The following DAAM1 variants were observed in gnomAD, a reference collection of about 807,000 sequenced individuals.
DAAM1 encodes disheveled-associated activator of morphogenesis 1.
In DAAM1, 52 loss-of-function variants were observed where a neutral mutation model predicts 130.0. The observed-to-expected ratio is 0.40, with a 90% CI of 0.32 to 0.50. DAAM1 has a LOEUF of 0.50. Ranked by LOEUF, DAAM1 falls within the 20% of genes least tolerant of loss-of-function variation. DAAM1 has a pLI of 0.61. For missense variants in DAAM1, 1,134 were observed against 1,303.8 expected, an observed-to-expected ratio of 0.87 and a Z score of 2.01; for synonymous variants, 452 against 444.5, an observed-to-expected ratio of 1.02 and a Z score of -0.21.
chr14:59,332,003 T>A, intron 15 of DAAM1, 83 bp downstream of exon 15: 2 of 1,179,374 alleles, frequency 1.7e-6, no homozygotes, highest in Middle Eastern at 2.0e-4. Context: ...GCCATGGCCG[T>A]GATGTGACCG....
At chr14:59,276,503 G>T (rs1358545071) in intron 2 of DAAM1, among the ~76,000 whole-genome samples, 1 of 152,138 alleles carries the variant, frequency 6.6e-6, no homozygotes, top group East Asian at 1.9e-4. Flanking sequence ...TGTGGGGTGG[G>T]AGGAGAGGGT....
At chr14:59,208,109 G>A (rs1056434339) in intron 1 of DAAM1, among the ~76,000 whole-genome samples, 1 of 152,116 alleles carries the variant, frequency 6.6e-6, no homozygotes, top group Non-Finnish European at 1.5e-5. Flanking sequence ...GTTGTCATAA[G>A]CATTTTTCAT....
At chr14:59,338,555 G>T in intron 15 of DAAM1, 2 of 842,364 alleles carry the variant, frequency 2.4e-6, no homozygotes, top group South Asian at 3.5e-5. Context: ...ACTCCACTTT[G>T]GATTTCAACT....
intron 20 of DAAM1, among the ~76,000 whole-genome samples, chr14:59,357,708 G>A (rs1201028935): frequency 6.6e-6 from 1 of 152,112 alleles, no homozygotes; most frequent in Non-Finnish European, 1.5e-5. Flanking sequence ...AACCCAGAAG[G>A]CAGAGGTTGC....
At chr14:59,311,966 C>T (rs527712681) in intron 3 of DAAM1, among the ~76,000 whole-genome samples, 29 of 152,074 alleles carry the variant, frequency 1.9e-4, no homozygotes, top group African/African-American at 4.8e-4. Context: ...CCCAAAGTGC[C>T]GGGATTACAG....
At chr14:59,223,318 G>A (rs576867232) in intron 1 of DAAM1, among the ~76,000 whole-genome samples, 24 of 152,330 alleles carry the variant, frequency 1.6e-4, no homozygotes, top group South Asian at 8.3e-4. Flanking sequence ...TTCATGATGG[G>A]CAGTTTGGGT....
intron 17 of DAAM1, 32 bp downstream of exon 17, chr14:59,347,655 T>C: frequency 6.2e-7 from 1 of 1,602,346 alleles, no homozygotes; most frequent in Non-Finnish European, 8.5e-7. Flanking sequence ...AGAGCAGAAG[T>C]GAAAAGCGAC....
rs1337401952 is a variant in DAAM1 at position 59,254,470 on chromosome 14, T to C, written c.-37-8971T>C. Among the ~76,000 whole-genome samples, 5 of 152,170 alleles carry C rather than the reference T, an allele frequency of 3.3e-5. No individual in the cohort carries two copies. The East Asian group carries it at 9.6e-4, about 29-fold the overall frequency. On this transcript the variant is annotated intron_variant, in intron 1 of 24. Coordinates refer to ENST00000360909, the MANE Select transcript of DAAM1 (RefSeq NM_001270520.2). Reference sequence around the variant, plus strand: ...TGTCTTTGTACGGTATCTGAGTGGATCCCTTAGAGACAGATTGGAACCCAG... The same window carrying C: ...TGTCTTTGTACGGTATCTGAGTGGACCCCTTAGAGACAGATTGGAACCCAG...
In DAAM1 at chr14:59,363,681, C is replaced by A; in HGVS notation, c.2725C>A (p.Gln909Lys). The A allele has an allele frequency of 6.2e-7, 1 of 1,614,152 alleles. No individual in the cohort carries two copies. The highest frequency in any genetic ancestry group is 8.5e-7 in the Non-Finnish European group (1 of 1,179,994). ...GGAATATCAGAAGTCTCAGCCCCCA[C>A]AGCCCGGAGATAAGTTTGTGTCTGT... ...ELEYQKSQPPQPGDKFVSVVS... is the reference protein window; with the variant it reads ...ELEYQKSQPPKPGDKFVSVVS... Residue 909 changes from glutamine (Q) to lysine (K), a missense_variant, in exon 23 of 25, where the codon CAG becomes AAG. Coordinates refer to ENST00000360909, the MANE Select transcript of DAAM1 (RefSeq NM_001270520.2).
intron 1 of DAAM1, among the ~76,000 whole-genome samples, chr14:59,223,379 C>G (rs1403443095): frequency 1.3e-5 from 2 of 152,084 alleles, no homozygotes; most frequent in Non-Finnish European, 2.9e-5. Context: ...CTACCAAGGC[C>G]CAGCCCAAGA....
intron 20 of DAAM1, among the ~76,000 whole-genome samples, chr14:59,358,978 A>C (rs1886598971): frequency 6.6e-6 from 1 of 152,082 alleles, no homozygotes; most frequent in Non-Finnish European, 1.5e-5. Context: ...CAAGCCTACT[A>C]GTTATAAACC....
chr14:59,281,524 T>TGGAGGAGGA (rs59666401), intron 2 of DAAM1, among the ~76,000 whole-genome samples: 2 of 150,118 alleles, frequency 1.3e-5, no homozygotes, highest in South Asian at 2.1e-4. Context: ...GTGCTGCTGT[T>TGGAGGAGGA]GGAGGAGGAG....
At chr14:59,216,819 G>C (rs372254371) in intron 1 of DAAM1, among the ~76,000 whole-genome samples, 1 of 151,976 alleles carries the variant, frequency 6.6e-6, no homozygotes, top group Non-Finnish European at 1.5e-5. Context: ...CTAACCGTTT[G>C]TGTGATTTCT....
rs981184834 is a variant in DAAM1, at chr14:59,270,890, G to T, written c.183+7230G>T. Among the ~76,000 whole-genome samples, 7 of 152,170 alleles carry T rather than the reference G, an allele frequency of 4.6e-5. No homozygotes were observed. In the South Asian group the frequency reaches 1.5e-3, roughly 32 times the overall value. On this transcript the variant is annotated intron_variant, in intron 2 of 24. Coordinates refer to ENST00000360909, the MANE Select transcript of DAAM1 (RefSeq NM_001270520.2). Reference sequence around the variant, plus strand: ...CTGCTTTTCCTGTGTGAGATTTTACGTAAAAAATCCAGGTTTAAAACAAGT... The same window carrying T: ...CTGCTTTTCCTGTGTGAGATTTTACTTAAAAAATCCAGGTTTAAAACAAGT...
At chr14:59,352,112 A>G (rs554635940) in intron 17 of DAAM1, among the ~76,000 whole-genome samples, 26 of 152,332 alleles carry the variant, frequency 1.7e-4, no homozygotes, top group African/African-American at 5.5e-4. Flanking sequence ...GCTGGGAGTC[A>G]AGAGACCTAG....
chr14:59,319,378 G>C (rs1011038494), intron 4 of DAAM1, among the ~76,000 whole-genome samples: 1 of 152,108 alleles, frequency 6.6e-6, no homozygotes, highest in African/African-American at 2.4e-5. Context: ...GTTAACATTA[G>C]TTACTTAATG....
At chr14:59,278,491 T>C (rs962185428) in intron 2 of DAAM1, among the ~76,000 whole-genome samples, 2 of 152,354 alleles carry the variant, frequency 1.3e-5, no homozygotes, top group Non-Finnish European at 2.9e-5. Context: ...TCTTTTAGAA[T>C]TCTTAATTTA....
intron 20 of DAAM1, among the ~76,000 whole-genome samples, chr14:59,356,394 T>C (rs911406236): frequency 6.6e-6 from 1 of 152,240 alleles, no homozygotes; most frequent in Non-Finnish European, 1.5e-5. Flanking sequence ...CACCTTATTT[T>C]TAATGTAAAC....
intron 1 of DAAM1, among the ~76,000 whole-genome samples, chr14:59,232,988 A>G (rs1183146324): frequency 6.6e-6 from 1 of 152,138 alleles, no homozygotes; most frequent in Non-Finnish European, 1.5e-5. Flanking sequence ...TTACGGCTGC[A>G]TAGTATTCCA....
Sources: allele counts gnomAD v4.1 joint callset (sites outside exome capture counted in the v4.1 genomes callset), GRCh38; gene constraint gnomAD v4.1.1; transcripts MANE v1.5; gene names NCBI Gene and HGNC (gene_info 2026-07-23, HGNC 2026-07-21).